The following PTPN3 variants were observed in gnomAD, a reference collection of about 807,000 sequenced individuals.
PTPN3 encodes the protein protein tyrosine phosphatase non-receptor type 3.
PTPN3 carries 96 observed loss-of-function variants against 132.7 expected under a neutral mutation model. The ratio of observed to expected loss-of-function variants is 0.72; its 90% CI spans 0.61 to 0.86. The LOEUF (loss-of-function observed/expected upper bound fraction) is 0.86, where lower values mean the gene tolerates loss of function less well. Ranked by LOEUF, PTPN3 falls within the 40% of genes least tolerant of loss-of-function variation. The pLI is 0.00. For missense variants in PTPN3, 1,125 were observed against 1,159.6 expected, an observed-to-expected ratio of 0.97 and a Z score of 0.43; for synonymous variants, 398 against 429.0, an observed-to-expected ratio of 0.93 and a Z score of 0.89.
rs77711771 is a variant in PTPN3 at position 109,453,670 on chromosome 9, G to C, written c.368+826C>G. Among the ~76,000 whole-genome samples the C allele has an allele frequency of 4.2e-3, 644 of 152,274 alleles. 9 individuals are homozygous for C. The highest frequency in any genetic ancestry group is 0.015 in the African/African-American group (622 of 41,548). On this transcript the variant is annotated intron_variant, in intron 5 of 25. Coordinates refer to ENST00000374541, the MANE Select transcript of PTPN3 (RefSeq NM_002829.4). The stretch of plus-strand genomic sequence containing the variant: ...TCACTGAGAAGACAAGCTGAATCCA[G>C]CCTGCTCTCCTTTCTAACTCTTGCA...
At chr9:109,502,396 C>T (rs1246169234), upstream of PTPN3, among the ~76,000 whole-genome samples, 1 of 152,034 alleles carries the variant, frequency 6.6e-6, no homozygotes, top group Admixed American at 6.5e-5. Context: ...TATGAAGAGC[C>T]CGAGAATCCA....
At chr9:109,395,031 T>G (rs986890890) in intron 19 of PTPN3, among the ~76,000 whole-genome samples, 1 of 151,672 alleles carries the variant, frequency 6.6e-6, no homozygotes, top group Non-Finnish European at 1.5e-5. Context: ...TCCCAGCTAC[T>G]CGGGAGGCTG....
chr9:109,433,443 T>C (rs950317146), intron 9 of PTPN3, among the ~76,000 whole-genome samples: 7 of 152,226 alleles, frequency 4.6e-5, no homozygotes, highest in Non-Finnish European at 1.0e-4. Flanking sequence ...ATCATTTACA[T>C]GAACACTCAA....
At chr9:109,464,296 A>C (rs1282590500) in intron 1 of PTPN3, among the ~76,000 whole-genome samples, 2 of 152,218 alleles carry the variant, frequency 1.3e-5, no homozygotes, top group African/African-American at 4.8e-5. Flanking sequence ...CCCAGCAGAA[A>C]AATGTATATT....
chr9:109,536,423 C>T, the PTPN3 span, among the ~76,000 whole-genome samples: 1 of 152,200 alleles, frequency 6.6e-6, no homozygotes, highest in African/African-American at 2.4e-5. Flanking sequence ...AACCATCAAA[C>T]CATTTCCCCT....
At chr9:109,474,245 G>C (rs1846527278) in intron 1 of PTPN3, among the ~76,000 whole-genome samples, 1 of 152,130 alleles carries the variant, frequency 6.6e-6, no homozygotes, top group South Asian at 2.1e-4. Context: ...ACTTACCCCA[G>C]ACAAGCTGTC....
chr9:109,412,574 CA>C (rs1200167133), intron 14 of PTPN3, among the ~76,000 whole-genome samples: 1 of 152,140 alleles, frequency 6.6e-6, no homozygotes, highest in African/African-American at 2.4e-5. Context: ...AGGGTTTCAC[CA>C]TGTTGGCCAA....
At chr9:109,389,969 G>A (rs1471243008) in intron 21 of PTPN3, among the ~76,000 whole-genome samples, 3 of 152,148 alleles carry the variant, frequency 2.0e-5, no homozygotes, top group Non-Finnish European at 4.4e-5. Context: ...GAGTCCTTTT[G>A]ACGAAAGAAC....
intron 1 of PTPN3, among the ~76,000 whole-genome samples, chr9:109,485,866 A>G (rs1291409671): frequency 2.6e-5 from 4 of 152,252 alleles, no homozygotes; most frequent in Non-Finnish European, 4.4e-5. Flanking sequence ...ACCTGGACCT[A>G]TTTAGTAACT....
chr9:109,428,495 C>T (rs1750376212), intron 11 of PTPN3, 126 bp downstream of exon 11: 3 of 935,630 alleles, frequency 3.2e-6, no homozygotes, highest in Non-Finnish European at 4.7e-6. Context: ...TTTCTAGTCC[C>T]AGCTACTTGG....
chr9:109,456,769 G>C (rs59265148), intron 4 of PTPN3, among the ~76,000 whole-genome samples: 50,072 of 151,836 alleles, frequency 0.33, 9,010 homozygotes, highest in African/African-American at 0.45. Context: ...CCTACTTATG[G>C]TTCGGTTTTC....
chr9:109,510,567 AAAAAAAAAAATATAT>A, the PTPN3 span, among the ~76,000 whole-genome samples: 1 of 56,712 alleles, frequency 1.8e-5, no homozygotes, highest in Non-Finnish European at 3.2e-5. Flanking sequence ...TTAAAAAAAA[AAAAAAAAAAATATAT>A]ATATATATAT....
At chr9:109,499,685 G>A (rs1267420581), upstream of PTPN3, among the ~76,000 whole-genome samples, 9 of 152,330 alleles carry the variant, frequency 5.9e-5, no homozygotes, top group East Asian at 1.7e-3. Flanking sequence ...GGGGGCAGTC[G>A]TTCCAGGGAT....
chr9:109,381,975 C>A lies in PTPN3; in HGVS notation c.2529-188G>T, dbSNP rs546742035. The stretch of plus-strand genomic sequence containing the variant: ...GTCCTCACACATCTGAGACTGGGGG[C>A]TAGCAGGCAGTGGAAAGAGGGCCAC... On this transcript the variant is annotated intron_variant, in intron 24 of 25. Coordinates refer to ENST00000374541, the MANE Select transcript of PTPN3 (RefSeq NM_002829.4). Among the ~76,000 whole-genome samples the A allele has an allele frequency of 1.5e-3, 222 of 152,340 alleles. 1 individual carries two copies. The highest frequency in any genetic ancestry group is 6.8e-3 in the Middle Eastern group (2 of 294).
chr9:109,518,429 G>C, the PTPN3 span, among the ~76,000 whole-genome samples: 1 of 152,170 alleles, frequency 6.6e-6, no homozygotes, highest in African/African-American at 2.4e-5. Flanking sequence ...TAGTCCAATT[G>C]GAGGCAGAGA....
intron 19 of PTPN3, among the ~76,000 whole-genome samples, chr9:109,398,857 G>A (rs774051662): frequency 6.6e-4 from 101 of 152,278 alleles, no homozygotes; most frequent in Non-Finnish European, 6.0e-4. Context: ...TCAACTCAGG[G>A]AACATGTAGA....
chr9:109,407,449 A>G (rs1050337131), intron 17 of PTPN3, among the ~76,000 whole-genome samples: 1 of 152,234 alleles, frequency 6.6e-6, no homozygotes, highest in Non-Finnish European at 1.5e-5. Flanking sequence ...CTGCAGTACT[A>G]TATGTATAAC....
chr9:109,484,460 C>A (rs1014163427), intron 1 of PTPN3, among the ~76,000 whole-genome samples: 3 of 152,194 alleles, frequency 2.0e-5, no homozygotes, highest in Middle Eastern at 3.2e-3. Context: ...CCTGGCCGAG[C>A]CACCTCTGTG....
chr9:109,407,896 T>C (rs1320370034), intron 17 of PTPN3, among the ~76,000 whole-genome samples: 1 of 152,186 alleles, frequency 6.6e-6, no homozygotes, highest in African/African-American at 2.4e-5. Context: ...AATGCTCTTC[T>C]TAGGAGGCCT....
Sources: allele counts gnomAD v4.1 joint callset (sites outside exome capture counted in the v4.1 genomes callset), GRCh38; gene constraint gnomAD v4.1.1; transcripts MANE v1.5; gene names NCBI Gene and HGNC (gene_info 2026-07-23, HGNC 2026-07-21).